Variants in TRDN observed in about 807,000 individuals in gnomAD.
TRDN encodes triadin.
Under a neutral mutation model 149.7 loss-of-function variants are expected in TRDN, and 161 were observed. The ratio of observed to expected loss-of-function variants is 1.08; its 90% confidence interval spans 0.95 to 1.23. The LOEUF (loss-of-function observed/expected upper bound fraction) is 1.23. Among genes scored for constraint, TRDN ranks in the 50% most tolerant of loss-of-function variants. TRDN has a pLI of 0.00. For synonymous variants in TRDN, 294 were observed against 250.5 expected (o/e 1.17, Z -1.64); for missense variants, 896 against 823.5 (o/e 1.09, Z -1.08).
chr6:123,295,377 G>A (rs1778156565), intron 24 of TRDN, among the ~76,000 whole-genome samples: 1 of 152,178 alleles, frequency 6.6e-6, no homozygotes, highest in South Asian at 2.1e-4. Context: ...CCCCAGAGCT[G>A]TAATGCTGCC....
chr6:123,510,148 TTTTAA>T (rs1410978521), intron 7 of TRDN: 3 of 152,258 alleles, frequency 2.0e-5, no homozygotes, highest in African/African-American at 4.8e-5. Flanking sequence ...CATTTATTTA[TTTTAA>T]TTTAATCTTG....
At chr6:123,271,224 T>A (rs1203597751) in intron 29 of TRDN, 38 bp from the exon 30 acceptor site, 10 of 1,380,636 alleles carry the variant, frequency 7.2e-6, no homozygotes, top group Non-Finnish European at 9.8e-6. Context: ...GTAGGAAATT[T>A]GAATACATCA....
At chr6:123,464,130 G>T in intron 10 of TRDN, 1 of 471,854 alleles carries the variant, frequency 2.1e-6, no homozygotes, top group Non-Finnish European at 2.8e-6. Flanking sequence ...AGTCTTGACA[G>T]AGAAGGAACT....
rs113726321 is a variant in TRDN at position 123,375,832 on chromosome 6, G to T, written c.1247-201C>A. Among the ~76,000 whole-genome samples, 673 of 152,076 alleles carry T rather than the reference G, an allele frequency of 4.4e-3. 3 individuals carry two copies. Among genetic ancestry groups the T allele is most frequent in the African/African-American group, 0.015 (633 of 41,518 alleles). ...ATCCAAATATATTCCATGAATTATA[G>T]AATTTTATTGTTTGTTATTCATACT... On this transcript the variant is annotated intron_variant, in intron 18 of 40. Transcript: ENST00000334268.
At chr6:123,295,598 T>A (rs917354283) in intron 24 of TRDN, among the ~76,000 whole-genome samples, 5 of 152,176 alleles carry the variant, frequency 3.3e-5, no homozygotes, top group Admixed American at 3.3e-4. Context: ...GGTATCTTAA[T>A]TAAGTTGATT....
At chr6:123,555,168 CCAAA>C (rs1417831245) in intron 2 of TRDN, among the ~76,000 whole-genome samples, 1 of 152,060 alleles carries the variant, frequency 6.6e-6, no homozygotes, top group Non-Finnish European at 1.5e-5. Context: ...CTTTTTAAGT[CCAAA>C]CAGTTTCTCA....
chr6:123,294,968 C>A (rs1353473197), intron 24 of TRDN, among the ~76,000 whole-genome samples: 1 of 152,078 alleles, frequency 6.6e-6, no homozygotes, highest in African/African-American at 2.4e-5. Flanking sequence ...ATGAATCTTA[C>A]CCTTCTGCAG....
intron 24 of TRDN, among the ~76,000 whole-genome samples, chr6:123,293,853 C>A (rs1778096016): frequency 6.6e-6 from 1 of 152,068 alleles, no homozygotes; most frequent in African/African-American, 2.4e-5. Flanking sequence ...AGCGTTGTCC[C>A]CCAGGGGTCA....
chr6:123,363,939 T>C (rs1329730407), intron 20 of TRDN, among the ~76,000 whole-genome samples: 1 of 152,248 alleles, frequency 6.6e-6, no homozygotes, highest in Non-Finnish European at 1.5e-5. Flanking sequence ...TCTACTCTTG[T>C]GCTAATTACC....
intron 10 of TRDN, among the ~76,000 whole-genome samples, chr6:123,447,161 C>T (rs530088943): frequency 6.6e-6 from 1 of 152,052 alleles, no homozygotes; most frequent in African/African-American, 2.4e-5. Context: ...CAGAAGTCTG[C>T]TCTTCTCATT....
chr6:123,381,191 C>A (rs1781706433), intron 16 of TRDN, among the ~76,000 whole-genome samples, 179 bp downstream of exon 16: 1 of 151,970 alleles, frequency 6.6e-6, no homozygotes, highest in Non-Finnish European at 1.5e-5. Flanking sequence ...GATTACTATG[C>A]TTCTCAGTCC....
intron 5 of TRDN, among the ~76,000 whole-genome samples, chr6:123,519,976 A>G (rs769162288): frequency 7.9e-5 from 12 of 152,104 alleles, no homozygotes; most frequent in Non-Finnish European, 1.3e-4. Context: ...TTAATTTGTA[A>G]TGTTTTATGA....
intron 14 of TRDN, among the ~76,000 whole-genome samples, chr6:123,383,783 A>G (rs1277051518): frequency 1.3e-5 from 2 of 152,160 alleles, no homozygotes; most frequent in East Asian, 3.8e-4. Context: ...GACAGATTAA[A>G]TAATTAGGCA....
At chr6:123,322,977 G>T (rs183535178) in intron 23 of TRDN, among the ~76,000 whole-genome samples, 22 of 152,166 alleles carry the variant, frequency 1.4e-4, no homozygotes, top group African/African-American at 4.8e-4. Context: ...GATCTTTGAG[G>T]ACAGGGAATA....
At chr6:123,279,661 T>C (rs561705322) in intron 24 of TRDN, among the ~76,000 whole-genome samples, 1 of 152,206 alleles carries the variant, frequency 6.6e-6, no homozygotes, top group African/African-American at 2.4e-5. Context: ...GTAATCTAGT[T>C]TCTAGCTCCA....
At chr6:123,355,020 C>T (rs1780606439) in intron 20 of TRDN, among the ~76,000 whole-genome samples, 1 of 151,686 alleles carries the variant, frequency 6.6e-6, no homozygotes, top group Non-Finnish European at 1.5e-5. Flanking sequence ...TTCAGTCTTT[C>T]CTGATACCTA....
At chr6:123,588,762 C>G (rs114426137) in intron 1 of TRDN, among the ~76,000 whole-genome samples, 1,541 of 152,216 alleles carry the variant, frequency 0.01, 12 homozygotes, top group African/African-American at 0.02. Flanking sequence ...AAAGTTTTAT[C>G]GGGCAGGGCT....
intron 12 of TRDN, among the ~76,000 whole-genome samples, chr6:123,406,449 T>C (rs1773192153): frequency 6.6e-6 from 1 of 152,108 alleles, no homozygotes; most frequent in Admixed American, 6.5e-5. Flanking sequence ...CAGCATGTTG[T>C]CAATATAACA....
intron 8 of TRDN, chr6:123,502,689 A>G (rs1193721288): frequency 2.0e-6 from 2 of 984,258 alleles, no homozygotes; most frequent in African/African-American, 3.5e-5. Flanking sequence ...CTGCTCTGTA[A>G]TAAAATTGTA....
Sources: gnomAD v4.1 joint callset for allele counts (sites outside exome capture counted in the v4.1 genomes callset) on GRCh38, gnomAD v4.1.1 for gene constraint, MANE v1.5 for transcripts, NCBI Gene and HGNC (gene_info 2026-07-23, HGNC 2026-07-21) for gene names.